The following MTX2 variants were observed in gnomAD, a reference collection of about 807,000 sequenced individuals.
MTX2 encodes metaxin 2.
Under a neutral mutation model 42.3 loss-of-function variants are expected in MTX2, and 35 were observed. The ratio of observed to expected loss-of-function variants is 0.83; its 90% CI spans 0.63 to 1.10. The LOEUF is 1.10. Ranked by LOEUF, MTX2 falls within the 50% of genes least tolerant of loss-of-function variation. The pLI is 0.00. For synonymous variants in MTX2, 119 were observed against 100.9 expected (o/e 1.18, Z -1.08); for missense variants, 307 against 304.1 (o/e 1.01, Z -0.07).
chr2:176,329,456 T>C, intron 8 of MTX2, 30 bp downstream of exon 8: 1 of 1,582,730 alleles, frequency 6.3e-7, no homozygotes, highest in Non-Finnish European at 8.6e-7. Flanking sequence ...GACAAAACCC[T>C]CAACTTTTAT....
At chr2:176,270,011 C>T (rs1692760254) in intron 1 of MTX2, among the ~76,000 whole-genome samples, 1 of 152,088 alleles carries the variant, frequency 6.6e-6, no homozygotes, top group African/African-American at 2.4e-5. Flanking sequence ...CATCTGAACG[C>T]TTCAGTCTAA....
At chr2:176,298,161 G>C (rs1163778572) in intron 3 of MTX2, among the ~76,000 whole-genome samples, 1 of 150,740 alleles carries the variant, frequency 6.6e-6, no homozygotes, top group African/African-American at 2.4e-5. Flanking sequence ...GGCACATTCT[G>C]TGTCTTAGCA....
At chr2:176,322,518 T>G (rs1684609357) in intron 3 of MTX2, among the ~76,000 whole-genome samples, 1 of 152,044 alleles carries the variant, frequency 6.6e-6, no homozygotes, top group Non-Finnish European at 1.5e-5. Context: ...AATAACATAG[T>G]AAATTTTGTG....
At chr2:176,320,171 T>A (rs1425205535) in intron 3 of MTX2, among the ~76,000 whole-genome samples, 1 of 152,044 alleles carries the variant, frequency 6.6e-6, no homozygotes, top group Non-Finnish European at 1.5e-5. Flanking sequence ...AGCATGGGTT[T>A]TGGGAGTTGA....
chr2:176,269,469 T>G lies in MTX2; in HGVS notation c.-161T>G. On this transcript the variant is annotated 5_prime_UTR_variant, in exon 1 of 10. Transcript: ENST00000249442. ...CCCTAGCCAGGCCTGGCGGTAACCT[T>G]GGGGGCCTCACTGCAGCCGCCGCTG... The G allele has an allele frequency of 4.0e-6, 3 of 742,106 alleles. No homozygotes were observed. The highest frequency in any genetic ancestry group is 6.1e-6 in the Non-Finnish European group (3 of 487,824). The allele number at this position is 742,106 out of a possible 1,614,324, so 46.0% of individuals were successfully genotyped here. A position where few individuals can be genotyped will look rare whatever the true frequency, so the allele number is the denominator to read the frequency against.
Position 176,337,538 on chromosome 2 carries a change from T to C in MTX2, c.666T>C (p.Ile222=), listed in dbSNP as rs199836137. ...DALVFGHLYT[I]LTTQLTNDEL... ...TGGTATTTGGCCATCTATACACCAT[T>C]CTTACCACACAATTGACAAATGATG... is the stretch of plus-strand genomic sequence containing the variant. Residue 222 remains isoleucine, a synonymous_variant, in exon 10 of 10, where the codon ATT becomes ATC. Coordinates refer to ENST00000249442, the MANE Select transcript of MTX2 (RefSeq NM_006554.5). The C allele has an allele frequency of 2.3e-5, 37 of 1,613,106 alleles. No individual in the cohort carries two copies. The highest frequency in any genetic ancestry group is 3.1e-5 in the Non-Finnish European group (37 of 1,179,426).
intron 3 of MTX2, among the ~76,000 whole-genome samples, chr2:176,304,067 T>C (rs1055756710): frequency 6.6e-6 from 1 of 152,008 alleles, no homozygotes; most frequent in Admixed American, 6.6e-5. Context: ...TTATTAGATA[T>C]ACAATATCAA....
At chr2:176,321,155 C>T (rs188951277) in intron 3 of MTX2, among the ~76,000 whole-genome samples, 70 of 152,176 alleles carry the variant, frequency 4.6e-4, no homozygotes, top group Non-Finnish European at 6.9e-4. Flanking sequence ...GTTTTCAGAT[C>T]CAGGCTTTTT....
intron 8 of MTX2, among the ~76,000 whole-genome samples, chr2:176,329,768 G>GT (rs772324906): frequency 0.011 from 1,496 of 132,990 alleles, 21 homozygotes; most frequent in African/African-American, 0.031. Flanking sequence ...TAACCTGAGG[G>GT]TTTTTTTTTT....
intron 1 of MTX2, among the ~76,000 whole-genome samples, chr2:176,275,679 G>A (rs1199501190): frequency 2.0e-5 from 3 of 151,596 alleles, no homozygotes; most frequent in African/African-American, 7.3e-5. Context: ...TTTTAATTTT[G>A]TTCTTCCAGT....
At chr2:176,299,997 C>T (rs1297057768) in intron 3 of MTX2, among the ~76,000 whole-genome samples, 1 of 151,408 alleles carries the variant, frequency 6.6e-6, no homozygotes, top group Non-Finnish European at 1.5e-5. Context: ...ATTTTTTTTT[C>T]CTGTAGCTAT....
At chr2:176,300,499 T>G (rs1683996867) in intron 3 of MTX2, among the ~76,000 whole-genome samples, 1 of 152,142 alleles carries the variant, frequency 6.6e-6, no homozygotes, top group Non-Finnish European at 1.5e-5. Flanking sequence ...ACAGTACCTC[T>G]CAATTTATGC....
intron 1 of MTX2, chr2:176,270,307 A>G: frequency 7.6e-7 from 1 of 1,312,824 alleles, no homozygotes; most frequent in Non-Finnish European, 1.0e-6. Flanking sequence ...AGTAGTTGGG[A>G]TTACAGGCGC....
intron 1 of MTX2, chr2:176,270,284 C>T (rs1236227558): frequency 5.8e-6 from 7 of 1,212,738 alleles, no homozygotes; most frequent in South Asian, 1.4e-5. Flanking sequence ...GATTCTCCTG[C>T]CTTAGCCTCC....
At chr2:176,274,984 A>G (rs1186065201) in intron 1 of MTX2, among the ~76,000 whole-genome samples, 1 of 152,192 alleles carries the variant, frequency 6.6e-6, no homozygotes, top group Non-Finnish European at 1.5e-5. Context: ...CATAGTAGAA[A>G]GGGAATTTTG....
intron 1 of MTX2, among the ~76,000 whole-genome samples, chr2:176,279,223 A>C (rs2105396845): frequency 6.6e-6 from 1 of 152,246 alleles, no homozygotes; most frequent in South Asian, 2.1e-4. Flanking sequence ...TTTGATGTGT[A>C]TATTTATTAC....
At chr2:176,280,311 C>T (rs908343132) in intron 1 of MTX2, among the ~76,000 whole-genome samples, 1 of 151,772 alleles carries the variant, frequency 6.6e-6, no homozygotes, top group Non-Finnish European at 1.5e-5. Context: ...AATTTATAAA[C>T]GTAATATGGT....
chr2:176,311,695 G>T (rs1040886608), intron 3 of MTX2, among the ~76,000 whole-genome samples: 1 of 152,222 alleles, frequency 6.6e-6, no homozygotes, highest in Non-Finnish European at 1.5e-5. Context: ...CTGTGGGCGT[G>T]GGAGCCACTG....
At chr2:176,329,540 C>A in intron 8 of MTX2, 114 bp downstream of exon 8, 2 of 1,094,124 alleles carry the variant, frequency 1.8e-6, no homozygotes, top group Admixed American at 3.2e-5. Flanking sequence ...AAAACCATTT[C>A]CTGTGATTTT....
Sources: allele counts gnomAD v4.1 joint callset (sites outside exome capture counted in the v4.1 genomes callset), GRCh38; gene constraint gnomAD v4.1.1; transcripts MANE v1.5; gene names NCBI Gene and HGNC (gene_info 2026-07-23, HGNC 2026-07-21).